The following PGS1 variants were observed in gnomAD, a reference collection of about 807,000 sequenced individuals.
PGS1 encodes the protein CDP-diacylglycerol--glycerol-3-phosphate 3-phosphatidyltransferase, mitochondrial.
A neutral mutation model predicts 58.3 loss-of-function variants in PGS1; 44 were observed. That is an observed-to-expected ratio of 0.75 (90% confidence interval 0.59 to 0.97). PGS1 has a LOEUF of 0.97. PGS1 is among the 50% of genes least tolerant of loss of function. The pLI is 0.00. For synonymous variants in PGS1, 330 were observed against 311.0 expected (o/e 1.06, Z -0.64); for missense variants, 684 against 731.1 (o/e 0.94, Z 0.74).
Position 78,396,390 on chromosome 17 carries a change from G to A in PGS1, c.411+5G>A. The stretch of plus-strand genomic sequence containing the variant: ...GGTCCTTTGGAACAGGAGCTGGTAA[G>A]GTTTATGGGGAGATGGTTGTGGCAG... On this transcript the variant is annotated splice_donor_5th_base_variant and intron_variant, in intron 3 of 9. Transcript: ENST00000262764. The A allele has an allele frequency of 6.3e-7, 1 of 1,595,130 alleles. No individual in the cohort carries two copies. The highest frequency in any genetic ancestry group is 8.6e-7 in the Non-Finnish European group (1 of 1,168,564).
At chr17:78,407,081 C>T (rs902931294) in intron 7 of PGS1, among the ~76,000 whole-genome samples, 5 of 152,006 alleles carry the variant, frequency 3.3e-5, no homozygotes, top group African/African-American at 4.8e-5. Flanking sequence ...TGGGTCGGGG[C>T]GGGGGGTGCC....
At chr17:78,410,918 C>A (rs1200084964) in intron 7 of PGS1, among the ~76,000 whole-genome samples, 1 of 152,144 alleles carries the variant, frequency 6.6e-6, no homozygotes, top group East Asian at 1.9e-4. Flanking sequence ...TCACTGGGTA[C>A]CAGACAGACT....
rs775469312 is a variant in PGS1, at chr17:78,403,814, C to T, written c.1127C>T (p.Ala376Val). ...GTCACTGAGACCCTGTTGACTGAGG[C>T]GGAGCGCGGGGCAAAGGTCTACCTC... ...EIVTETLLTE[A>V]ERGAKVYLTT... Residue 376 changes from alanine to valine, a missense_variant, in exon 7 of 10, where the codon GCG becomes GTG. Transcript: ENST00000262764. 26 of 1,614,110 alleles carry T rather than the reference C, an allele frequency of 1.6e-5. No homozygotes were observed. The highest frequency in any genetic ancestry group is 3.3e-5 in the Admixed American group (2 of 60,012).
At chr17:78,381,301 A>G (rs900037510) in intron 1 of PGS1, among the ~76,000 whole-genome samples, 1 of 152,208 alleles carries the variant, frequency 6.6e-6, no homozygotes, top group East Asian at 1.9e-4. Context: ...CTCTGGGACA[A>G]CAGTTCAACC....
chr17:78,385,838 G>A (rs899873078), intron 1 of PGS1, among the ~76,000 whole-genome samples: 3 of 152,246 alleles, frequency 2.0e-5, no homozygotes, highest in Non-Finnish European at 4.4e-5. Context: ...TCTCATGGGG[G>A]CAAGTGTGTG....
chr17:78,411,576 C>G (rs189580783), intron 7 of PGS1, among the ~76,000 whole-genome samples: 1 of 152,340 alleles, frequency 6.6e-6, no homozygotes, highest in Admixed American at 6.5e-5. Context: ...CAGTCAGTCC[C>G]TTCCCAAAAG....
intron 9 of PGS1, chr17:78,421,409 C>T (rs1158318600): frequency 8.3e-6 from 1 of 120,896 alleles, no homozygotes; most frequent in Non-Finnish European, 1.8e-5. Context: ...TCACTGTCAC[C>T]CTTCATGGGG....
intron 8 of PGS1, among the ~76,000 whole-genome samples, chr17:78,415,445 A>G (rs1390855769): frequency 6.6e-6 from 1 of 152,214 alleles, no homozygotes; most frequent in Admixed American, 6.5e-5. Flanking sequence ...AGCCTGGCCA[A>G]CATGGTGAAA....
intron 1 of PGS1, among the ~76,000 whole-genome samples, chr17:78,388,956 A>G (rs941156410): frequency 2.7e-5 from 4 of 148,628 alleles, no homozygotes; most frequent in African/African-American, 7.6e-5. Context: ...GGTATGTCAT[A>G]TGTGCTTACA....
chr17:78,424,359 A>G lies in PGS1; in HGVS notation c.*309A>G. The G allele has an allele frequency of 1.8e-6, 1 of 568,884 alleles. No individual in the cohort carries two copies. Among genetic ancestry groups the G allele is most frequent in the Middle Eastern group, 4.8e-4 (1 of 2,084 alleles). 35.2% of individuals were successfully genotyped at this position (568,884 alleles called of 1,614,324 possible). A position where few individuals can be genotyped will look rare whatever the true frequency, so the allele number is the denominator to read the frequency against. ...TAACTACCCCGTCCCGCTGGGCTCAAGGAACAGCTCAGCTAAAGCCCTCGG... is the reference window on the plus strand; with the variant it reads ...TAACTACCCCGTCCCGCTGGGCTCAGGGAACAGCTCAGCTAAAGCCCTCGG... On this transcript the variant is annotated 3_prime_UTR_variant, in exon 10 of 10. Transcript: ENST00000262764.
Position 78,403,715 on chromosome 17 carries a change from G to T in PGS1, c.1028G>T (p.Arg343Leu). ...GAAGATGCAGCAGCTGCTGGGGATC[G>T]CAGACCAGCCCCTGACACCTGGATT... ...TQEDAAAAGDRRPAPDTWIYP... is the reference protein window; with the variant it reads ...TQEDAAAAGDLRPAPDTWIYP... The change falls in exon 7 of 10, where the codon CGC (arginine) becomes CTC (leucine). Residue 343 changes from arginine to leucine, a missense_variant. Coordinates refer to ENST00000262764, the MANE Select transcript of PGS1 (RefSeq NM_024419.5). The T allele has an allele frequency of 6.2e-7, 1 of 1,614,198 alleles. No homozygotes were observed. Among genetic ancestry groups the T allele is most frequent in the Non-Finnish European group, 8.5e-7 (1 of 1,180,038 alleles).
Position 78,398,371 on chromosome 17 carries a change from G to A in PGS1, c.511+20G>A. The A allele has an allele frequency of 6.7e-7, 1 of 1,493,320 alleles. No individual in the cohort carries two copies. Among genetic ancestry groups the A allele is most frequent in the Non-Finnish European group, 9.3e-7 (1 of 1,070,158 alleles). The allele number at this position is 1,493,320 out of a possible 1,614,324, so 92.5% of individuals were successfully genotyped here. ...CACGAGGTAGGTGGCATGCAAGCCT[G>A]GCCCCTCCTGCTTCCTGTGTCAGAT... On this transcript the variant is annotated intron_variant, in intron 4 of 9. Transcript: ENST00000262764.
Position 78,378,844 on chromosome 17 carries a change from G to C in PGS1, c.143+36G>C, listed in dbSNP as rs1384523598. ...CGGCCGGGATGAGAGTGCAGCCCTC[G>C]CGGCTGCAGCCCGGCCCCCCGGCGC... On this transcript the variant is annotated intron_variant, in intron 1 of 9. Transcript: ENST00000262764. 3.7e-6 allele frequency: 5 copies of C among 1,367,368 alleles called. No individual in the cohort carries two copies. In the East Asian group the frequency reaches 9.3e-5, roughly 25 times the overall value. 84.7% of individuals were successfully genotyped at this position (1,367,368 alleles called of 1,614,324 possible).
chr17:78,379,931 A>G (rs1180057153), intron 1 of PGS1, among the ~76,000 whole-genome samples: 2 of 149,846 alleles, frequency 1.3e-5, no homozygotes, highest in African/African-American at 4.9e-5. Context: ...CAATGGCGCA[A>G]TCTTGGCTCA....
intron 1 of PGS1, among the ~76,000 whole-genome samples, chr17:78,389,482 GC>G (rs2082657823): frequency 6.6e-6 from 1 of 151,956 alleles, no homozygotes. Context: ...ACCATGCCCG[GC>G]CCAATTTTTG....
intron 1 of PGS1, among the ~76,000 whole-genome samples, chr17:78,389,113 AGTGCAATGGT>A (rs2082622533): frequency 9.0e-6 from 1 of 111,474 alleles, no homozygotes; most frequent in Non-Finnish European, 1.7e-5. Context: ...CCCAGGTTGG[AGTGCAATGGT>A]GTGATCTCGG....
At chr17:78,407,836 C>T (rs957198861) in intron 7 of PGS1, among the ~76,000 whole-genome samples, 5 of 152,194 alleles carry the variant, frequency 3.3e-5, no homozygotes, top group Non-Finnish European at 5.9e-5. Flanking sequence ...GGAAGAGCAG[C>T]GTGGGGGGAA....
chr17:78,398,427 C>T, intron 4 of PGS1, 76 bp downstream of exon 4: 1 of 980,668 alleles, frequency 1.0e-6, no homozygotes, highest in Admixed American at 1.7e-5. Flanking sequence ...ACTGTCACCC[C>T]CTCATCCCCA....
intron 7 of PGS1, among the ~76,000 whole-genome samples, chr17:78,411,603 G>C (rs1389230210): frequency 6.6e-6 from 1 of 152,194 alleles, no homozygotes; most frequent in Admixed American, 6.5e-5. Flanking sequence ...GTCCGCAGAG[G>C]GCTGCTTCCT....
Sources: allele counts gnomAD v4.1 joint callset (sites outside exome capture counted in the v4.1 genomes callset), GRCh38; gene constraint gnomAD v4.1.1; transcripts MANE v1.5; gene names NCBI Gene and HGNC (gene_info 2026-07-23, HGNC 2026-07-21).